The following B4GALNT4 variants were observed in gnomAD, a reference collection of about 807,000 sequenced individuals.
B4GALNT4 encodes beta-1,4-N-acetyl-galactosaminyltransferase 4.
B4GALNT4 carries 77 observed loss-of-function variants against 110.0 expected under a neutral mutation model. The ratio of observed to expected loss-of-function variants is 0.70; its 90% CI spans 0.58 to 0.85. The LOEUF (loss-of-function observed/expected upper bound fraction) is 0.85, where lower values mean the gene tolerates loss of function less well. Among genes scored for constraint, B4GALNT4 ranks in the 40% least tolerant of loss-of-function variants. B4GALNT4 has a pLI of 0.00. For synonymous variants in B4GALNT4, 785 were observed against 655.5 expected, an observed-to-expected ratio of 1.20 and a Z score of -3.02; for missense variants, 1,575 against 1,506.0, an observed-to-expected ratio of 1.05 and a Z score of -0.76.
chr11:376,674 A>G lies in B4GALNT4; in HGVS notation c.1551A>G (p.Ala517=), dbSNP rs1323887262. ...FLGRAPPPRP[A]VEQPPPKVYV... is the part of the protein sequence containing the mutation. ...GCCGAGCTCCGCCCCCGCGCCCTGC[A>G]GTGGAGCAGCCGCCCCCAAAGGTGT... The change falls in exon 14 of 20, where the codon GCA becomes GCG. Residue 517 remains alanine (A), a synonymous_variant. Coordinates refer to ENST00000329962, the MANE Select transcript of B4GALNT4 (RefSeq NM_178537.5). 7.0e-7 allele frequency: 1 copy of G among 1,427,506 alleles called. No individual in the cohort carries two copies. Among genetic ancestry groups the G allele is most frequent in the Admixed American group, 2.8e-5 (1 of 35,720 alleles). 88.4% of individuals were successfully genotyped at this position (1,427,506 alleles called of 1,614,324 possible).
intron 1 of B4GALNT4, 84 bp downstream of exon 1, chr11:370,038 G>GCGGCGCGGT (rs1846587575): frequency 7.7e-6 from 1 of 129,174 alleles, no homozygotes; most frequent in Non-Finnish European, 1.7e-5. Flanking sequence ...GGGGGCGCGG[G>GCGGCGCGGT]CGGCGCGGGC....
Position 379,861 on chromosome 11 carries a change from T to C in B4GALNT4, c.2489-5T>C, listed in dbSNP as rs777183282. On this transcript the variant is annotated splice_region_variant and splice_polypyrimidine_tract_variant and intron_variant, in intron 15 of 19. Coordinates refer to ENST00000329962, the MANE Select transcript of B4GALNT4 (RefSeq NM_178537.5). ...TCAGCGCCCCCCCCGCCTTTTCTCC[T>C]CCAGTGAAAAACCAGGCACGGTGGG... 2 of 1,584,820 alleles carry C rather than the reference T, an allele frequency of 1.3e-6. No homozygotes were observed. Among genetic ancestry groups the C allele is most frequent in the Admixed American group, 1.7e-5 (1 of 57,460 alleles).
Position 380,079 on chromosome 11 carries a change from G to A in B4GALNT4, c.2643-51G>A, listed in dbSNP as rs747828721. ...CGCAGCTTTCCTCCCCGGGAGATGG[G>A]TTTTCCTGACCCCACCCCCAGAGAT... is the stretch of plus-strand genomic sequence containing the variant. On this transcript the variant is annotated intron_variant, in intron 16 of 19. Transcript: ENST00000329962. 3.8e-5 allele frequency: 60 copies of A among 1,594,592 alleles called. No homozygotes were observed. The Middle Eastern group carries it at 8.4e-4, about 22-fold the overall frequency.
chr11:372,420 G>A (rs977135127), intron 2 of B4GALNT4, among the ~76,000 whole-genome samples: 1 of 152,094 alleles, frequency 6.6e-6, no homozygotes, highest in Admixed American at 6.6e-5. Flanking sequence ...TGCAGCAGGT[G>A]CATGAATGTG....
Position 379,873 on chromosome 11 carries a change from C to G in B4GALNT4, c.2496C>G (p.Asn832Lys), listed in dbSNP as rs1419609410. The change falls in exon 16 of 20, where the codon AAC (asparagine) becomes AAG (lysine). Residue 832 changes from asparagine (N) to lysine (K), a missense_variant. Transcript: ENST00000329962. ...VMVHFIVPVK[N>K]QARWVAQFLA... is the part of the protein sequence containing the mutation. Reference sequence around the variant, plus strand: ...CCGCCTTTTCTCCTCCAGTGAAAAACCAGGCACGGTGGGTGGCACAGTTCC... The same window carrying G: ...CCGCCTTTTCTCCTCCAGTGAAAAAGCAGGCACGGTGGGTGGCACAGTTCC... 2 of 1,583,556 alleles carry G rather than the reference C, an allele frequency of 1.3e-6. No individual in the cohort carries two copies. Among genetic ancestry groups the G allele is most frequent in the African/African-American group, 2.7e-5 (2 of 73,912 alleles).
chr11:375,566 G>A (rs764089392), intron 9 of B4GALNT4, 39 bp downstream of exon 9: 1 of 1,605,702 alleles, frequency 6.2e-7, no homozygotes, highest in Admixed American at 1.7e-5. Context: ...GGCTCCTCGG[G>A]ATGGGCTCTG....
intron 5 of B4GALNT4, 24 bp from the exon 6 acceptor site, chr11:373,167 C>T (rs575169951): frequency 3.1e-6 from 5 of 1,612,096 alleles, no homozygotes; most frequent in African/African-American, 1.3e-5. Context: ...GCTCCACCCC[C>T]CTGAGCCTAG....
Position 377,083 on chromosome 11 carries a change from G to A in B4GALNT4, c.1960G>A (p.Ala654Thr), listed in dbSNP as rs1044925374. 4.8e-6 allele frequency: 7 copies of A among 1,450,046 alleles called. No individual in the cohort carries two copies. The highest frequency in any genetic ancestry group is 4.4e-5 in the South Asian group (3 of 68,896). The allele number at this position is 1,450,046 out of a possible 1,614,324, so 89.8% of individuals were successfully genotyped here. ...EEEEEGEDDGAPGDEAASEDS... is the reference protein window; with the variant it reads ...EEEEEGEDDGTPGDEAASEDS... ...GGAGGAGGAAGGGGAGGACGATGGG[G>A]CCCCGGGCGACGAGGCCGCGTCGGA... is the stretch of plus-strand genomic sequence containing the variant. Residue 654 changes from alanine (A) to threonine (T), a missense_variant, in exon 14 of 20, where the codon GCC (alanine) becomes ACC (threonine). Transcript: ENST00000329962.
rs1482830294 is a variant in B4GALNT4 at position 373,777 on chromosome 11, T to G, written c.732T>G (p.Phe244Leu). 6 of 1,612,128 alleles carry G rather than the reference T, an allele frequency of 3.7e-6. No individual in the cohort carries two copies. Among genetic ancestry groups the G allele is most frequent in the African/African-American group, 1.3e-5 (1 of 74,868 alleles). The change falls in exon 8 of 20, where the codon TTT (phenylalanine) becomes TTG (leucine). Residue 244 changes from phenylalanine to leucine, a missense_variant. By Grantham distance (22) the Phe-to-Leu change is conservative. Coordinates refer to ENST00000329962, the MANE Select transcript of B4GALNT4 (RefSeq NM_178537.5). The part of the protein sequence containing the change: ...RRLMASRRYY[F>L]ELLHKQDDRG... Reference sequence around the variant, plus strand: ...TCATGGCCTCCCGGAGGTACTACTTTGAGTTGCTGCACAAGCAGGACGACC... The same window carrying G: ...TCATGGCCTCCCGGAGGTACTACTTGGAGTTGCTGCACAAGCAGGACGACC...
Position 381,842 on chromosome 11 carries a change from G to T in B4GALNT4, c.*50G>T. 6.6e-7 allele frequency: 1 copy of T among 1,514,364 alleles called. No individual in the cohort carries two copies. The highest frequency in any genetic ancestry group is 8.8e-7 in the Non-Finnish European group (1 of 1,134,806). 93.8% of individuals were successfully genotyped at this position (1,514,364 alleles called of 1,614,324 possible). A position where few individuals can be genotyped will look rare whatever the true frequency, so the allele number is the denominator to read the frequency against. Reference sequence around the variant, plus strand: ...GGTGGGAGTCCCGAGGCAGCTGCTGGGGGCTGGGCTTTGAGCTCGGTCCCG... The same window carrying T: ...GGTGGGAGTCCCGAGGCAGCTGCTGTGGGCTGGGCTTTGAGCTCGGTCCCG... On this transcript the variant is annotated 3_prime_UTR_variant, in exon 20 of 20. Coordinates refer to ENST00000329962, the MANE Select transcript of B4GALNT4 (RefSeq NM_178537.5).
intron 16 of B4GALNT4, 23 bp from the exon 17 acceptor site, chr11:380,107 T>A: frequency 6.3e-7 from 1 of 1,595,512 alleles, no homozygotes. Flanking sequence ...CCAGAGATCG[T>A]GCCTGTGACT....
At position 380,003 on chromosome 11, in the gene B4GALNT4, G is replaced by A. The variant is rs1214983642; in HGVS notation, c.2626G>A (p.Ala876Thr). ...EDMDVERALR[A>T]ARLPRYQYLR... The stretch of plus-strand genomic sequence containing the variant: ...TATGGACGTGGAGCGGGCCCTGCGC[G>A]CCGCGCGCCTGCCCCGGTAACGACC... The change falls in exon 16 of 20, where the codon GCC (alanine) becomes ACC (threonine). Residue 876 changes from alanine (A) to threonine (T), a missense_variant. Physicochemically the swap from Ala to Thr is moderately conservative, Grantham distance 58. Coordinates refer to ENST00000329962, the MANE Select transcript of B4GALNT4 (RefSeq NM_178537.5). The A allele has an allele frequency of 2.5e-6, 4 of 1,612,528 alleles. No individual in the cohort carries two copies. The highest frequency in any genetic ancestry group is 1.1e-5 in the South Asian group (1 of 91,014).
rs557043295 is a variant in B4GALNT4 at position 369,792 on chromosome 11, G to A, written c.-12G>A. 2.0e-6 allele frequency: 2 copies of A among 978,702 alleles called. No homozygotes were observed. The highest frequency in any genetic ancestry group is 2.4e-6 in the Non-Finnish European group (2 of 826,988). 60.6% of individuals were successfully genotyped at this position (978,702 alleles called of 1,614,324 possible). ...CCGCTGAGCGCGGCCTGGGGCGGGCGCGGCGGCCGCGATGCCGCGGCTCCC... is the reference window on the plus strand; with the variant it reads ...CCGCTGAGCGCGGCCTGGGGCGGGCACGGCGGCCGCGATGCCGCGGCTCCC... On this transcript the variant is annotated 5_prime_UTR_variant, in exon 1 of 20. Transcript: ENST00000329962.
intron 8 of B4GALNT4, among the ~76,000 whole-genome samples, chr11:374,312 C>T (rs1846680718): frequency 1.3e-5 from 2 of 151,722 alleles, no homozygotes; most frequent in South Asian, 2.1e-4. Flanking sequence ...TTACTGTGGC[C>T]TTTGGTCCTC....
intron 1 of B4GALNT4, 32 bp downstream of exon 1, chr11:369,986 GGCGGGGGCGGCGCGGGGGGC>G (rs1846581305): frequency 3.1e-6 from 1 of 319,390 alleles, no homozygotes; most frequent in Non-Finnish European, 4.3e-6. Context: ...GGGCGCGGGG[GGCGGGGGCGGCGCGGGGGGC>G]GCGGGGGGCG....
intron 4 of B4GALNT4, 33 bp from the exon 5 acceptor site, chr11:372,993 G>A (rs1331744254): frequency 6.2e-7 from 1 of 1,612,490 alleles, no homozygotes; most frequent in Admixed American, 1.7e-5. Context: ...GGCACGCAGG[G>A]GGCTTCGACA....
chr11:380,567 C>A, intron 18 of B4GALNT4, 122 bp downstream of exon 18: 1 of 1,404,626 alleles, frequency 7.1e-7, no homozygotes, highest in South Asian at 1.2e-5. Flanking sequence ...CAGTGCTCCC[C>A]GTAGTGCCCA....
Position 373,801 on chromosome 11 carries a change from C to A in B4GALNT4, c.756C>A (p.Asp252Glu). 6.2e-7 allele frequency: 1 copy of A among 1,612,324 alleles called. No homozygotes were observed. Among genetic ancestry groups the A allele is most frequent in the Non-Finnish European group, 8.5e-7 (1 of 1,179,854 alleles). The part of the protein sequence containing the change: ...YYFELLHKQD[D>E]RGSDHVEVGW... ...TTGAGTTGCTGCACAAGCAGGACGA[C>A]CGCGGCTCGGACCACGTGGAAGTGG... Residue 252 changes from aspartate to glutamate, a missense_variant, in exon 8 of 20, where the codon GAC (aspartate) becomes GAA (glutamate). Coordinates refer to ENST00000329962, the MANE Select transcript of B4GALNT4 (RefSeq NM_178537.5).
At chr11:371,297 G>GGGAA (rs1454792190) in intron 1 of B4GALNT4, among the ~76,000 whole-genome samples, 3 of 152,130 alleles carry the variant, frequency 2.0e-5, no homozygotes, top group Non-Finnish European at 2.9e-5. Context: ...GCCCAAGTCA[G>GGGAA]GGGAGCCCTG....
Sources: allele counts gnomAD v4.1 joint callset (sites outside exome capture counted in the v4.1 genomes callset), GRCh38; gene constraint gnomAD v4.1.1; transcripts MANE v1.5; gene names NCBI Gene and HGNC (gene_info 2026-07-23, HGNC 2026-07-21).